HDX: variants seen among roughly 807,000 people sequenced by gnomAD.
HDX encodes chromosome X open reading frame 43.
Under a neutral mutation model 45.2 loss-of-function variants are expected in HDX, and 19 were observed. That is an observed-to-expected ratio of 0.42 (90% CI 0.29 to 0.62). The LOEUF is 0.62. HDX is among the 20% of genes least tolerant of loss of function. The pLI, the probability that HDX is intolerant of heterozygous loss-of-function variation, is 0.20. For synonymous variants in HDX, 188 were observed against 172.8 expected (o/e 1.09, Z -0.69); for missense variants, 532 against 493.9 (o/e 1.08, Z -0.73).
intron 2 of HDX, among the ~76,000 whole-genome samples, chrX:84,477,952 T>C (rs1022417812): frequency 9.0e-6 from 1 of 111,507 alleles, no homozygotes; most frequent in Non-Finnish European, 1.9e-5. Flanking sequence ...TGCCCACCCA[T>C]AGGAATAAGA....
At chrX:84,479,271 T>C (rs979783110) in intron 2 of HDX, among the ~76,000 whole-genome samples, 3 of 111,858 alleles carry the variant, frequency 2.7e-5, no homozygotes, top group African/African-American at 9.7e-5. Flanking sequence ...ACTGTTTCTA[T>C]AATTTTGACT....
At position 84,381,688 on chromosome X, in the gene HDX, T is replaced by C. The variant is rs182480937; in HGVS notation, c.1306-20076A>G. 2.7e-4 allele frequency among the ~76,000 whole-genome samples: 30 copies of C among 111,787 alleles called. No individual in the cohort carries two copies. In the East Asian group the frequency reaches 7.8e-3, roughly 29 times the overall value. ...AACTAGACTCCTATCTTTTGCCATA[T>C]ACAAAAATCAAAACAAAATGGCCTT... is the stretch of plus-strand genomic sequence containing the variant. On this transcript the variant is annotated intron_variant, in intron 5 of 10. Coordinates refer to ENST00000373177, the MANE Select transcript of HDX (RefSeq NM_001177479.2).
intron 6 of HDX, among the ~76,000 whole-genome samples, chrX:84,347,357 T>C (rs1288591509): frequency 9.0e-6 from 1 of 110,719 alleles, no homozygotes; most frequent in African/African-American, 3.3e-5. Flanking sequence ...AGCCACCATG[T>C]CCAGCTTTTG....
intron 4 of HDX, among the ~76,000 whole-genome samples, chrX:84,454,988 T>C (rs1405756136): frequency 9.0e-6 from 1 of 110,795 alleles, no homozygotes; most frequent in African/African-American, 3.3e-5. Flanking sequence ...CCTATATGAG[T>C]CTGTGAGAGA....
intron 5 of HDX, among the ~76,000 whole-genome samples, chrX:84,376,849 G>A (rs2147892204): frequency 8.9e-6 from 1 of 112,252 alleles, no homozygotes; most frequent in African/African-American, 3.2e-5. Flanking sequence ...AAGGACCCCG[G>A]GTTGGCTTGT....
chrX:84,448,842 T>C (rs1470836939), intron 4 of HDX, among the ~76,000 whole-genome samples: 1 of 109,952 alleles, frequency 9.1e-6, no homozygotes, highest in Non-Finnish European at 1.9e-5. Flanking sequence ...AAAATATTGA[T>C]TATAAAGCAG....
At position 84,344,310 on chromosome X, in the gene HDX, C is replaced by T; in HGVS notation, c.1600G>A (p.Gly534Arg). 2.5e-6 allele frequency: 3 copies of T among 1,208,536 alleles called. No individual in the cohort carries two copies. ...TCATCATTTCTGTCATTATCCTCTCCTACTTCAGGCCCAGCTTCCTCTCCT... is the reference window on the plus strand; with the variant it reads ...TCATCATTTCTGTCATTATCCTCTCTTACTTCAGGCCCAGCTTCCTCTCCT... ...TPGEEAGPEV[G>R]EDNDRNDEVS... Residue 534 changes from glycine to arginine, a missense_variant, in exon 7 of 11, where the codon GGA becomes AGA. Gly to Arg is a moderately radical substitution (Grantham distance 125, BLOSUM62 -2). Around this residue, in one of 3 missense-constraint regions of HDX, gnomAD observed 151 missense variants for 131.8 expected, o/e 1.15. Coordinates refer to ENST00000373177, the MANE Select transcript of HDX (RefSeq NM_001177479.2).
At chrX:84,456,268 G>C in intron 4 of HDX, among the ~76,000 whole-genome samples, 1 of 111,393 alleles carries the variant, frequency 9.0e-6, no homozygotes, top group Non-Finnish European at 1.9e-5. Context: ...TTTTTTATTA[G>C]ATTTTTCTTT....
chrX:84,420,471 A>G (rs2039227567), intron 5 of HDX, among the ~76,000 whole-genome samples: 1 of 111,597 alleles, frequency 9.0e-6, no homozygotes, highest in South Asian at 3.7e-4. Context: ...AAGAAAAACA[A>G]TAAAGCACAT....
At chrX:84,366,894 CTA>C (rs2037770100) in intron 5 of HDX, among the ~76,000 whole-genome samples, 1 of 112,094 alleles carries the variant, frequency 8.9e-6, no homozygotes, top group African/African-American at 3.2e-5. Flanking sequence ...ACCATAAAAA[CTA>C]CAGAAGAAAA....
chrX:84,327,039 C>G (rs1219725473), intron 9 of HDX, among the ~76,000 whole-genome samples: 2 of 111,546 alleles, frequency 1.8e-5, no homozygotes, highest in East Asian at 5.6e-4. Context: ...GGTGAATTTG[C>G]ACCAAGAAGA....
intron 5 of HDX, among the ~76,000 whole-genome samples, chrX:84,375,848 G>A (rs990673270): frequency 9.0e-6 from 1 of 110,908 alleles, no homozygotes; most frequent in Non-Finnish European, 1.9e-5. Context: ...TACATATGTA[G>A]CTAACCTGCA....
intron 6 of HDX, among the ~76,000 whole-genome samples, chrX:84,360,521 A>G (rs1460232310): frequency 9.0e-6 from 1 of 111,630 alleles, no homozygotes; most frequent in Non-Finnish European, 1.9e-5. Context: ...CTAATCTAGA[A>G]CATTTTCATC....
chrX:84,478,925 G>A (rs912354203), intron 2 of HDX, among the ~76,000 whole-genome samples: 6 of 111,380 alleles, frequency 5.4e-5, no homozygotes, highest in East Asian at 2.8e-4. Context: ...CAAATATAAC[G>A]CATTCTTTCC....
intron 5 of HDX, among the ~76,000 whole-genome samples, chrX:84,380,125 G>A (rs1463239177): frequency 4.6e-5 from 5 of 109,792 alleles, no homozygotes; most frequent in African/African-American, 1.6e-4. Flanking sequence ...TAGCAGAAAT[G>A]TACAAATTCT....
intron 5 of HDX, among the ~76,000 whole-genome samples, chrX:84,413,479 G>A (rs1395649614): frequency 9.0e-6 from 1 of 111,424 alleles, no homozygotes; most frequent in East Asian, 2.8e-4. Context: ...CCCAGCCCCT[G>A]GCTGTTCTCT....
intron 5 of HDX, among the ~76,000 whole-genome samples, chrX:84,430,607 A>G (rs370071263): frequency 6.3e-5 from 7 of 110,411 alleles, no homozygotes; most frequent in African/African-American, 2.0e-4. Flanking sequence ...TGTTCTCCAT[A>G]GTGGTTGTAC....
chrX:84,335,340 G>C (rs1052736491), intron 8 of HDX, among the ~76,000 whole-genome samples: 2 of 111,078 alleles, frequency 1.8e-5, no homozygotes, highest in Non-Finnish European at 3.8e-5. Context: ...ATGTCTGTTT[G>C]ATTTGTTATC....
intron 2 of HDX, among the ~76,000 whole-genome samples, chrX:84,479,616 A>G (rs1452146373): frequency 8.9e-6 from 1 of 111,887 alleles, no homozygotes; most frequent in South Asian, 3.7e-4. Context: ...GTTTAATTTA[A>G]TAAGTTGTTA....
Sources: allele counts gnomAD v4.1 joint callset (sites outside exome capture counted in the v4.1 genomes callset), GRCh38; gene constraint gnomAD v4.1.1; regional missense constraint gnomAD v4.1.1; transcripts MANE v1.5; gene names NCBI Gene and HGNC (gene_info 2026-07-23, HGNC 2026-07-21).